The following FRY variants were observed in gnomAD, a reference collection of about 807,000 sequenced individuals.
FRY encodes protein furry homolog.
A neutral mutation model predicts 348.4 loss-of-function variants in FRY; 128 were observed. The ratio of observed to expected loss-of-function variants is 0.37; its 90% CI spans 0.32 to 0.43. FRY has a LOEUF of 0.43. FRY is among the 20% of genes least tolerant of loss of function. The pLI is 1.00. For synonymous variants in FRY, 1,370 were observed against 1,374.7 expected (o/e 1.00, Z 0.08); for missense variants, 2,736 against 3,695.2 (o/e 0.74, Z 6.73).
intron 11 of FRY, among the ~76,000 whole-genome samples, chr13:32,141,913 A>G (rs967818505): frequency 2.6e-5 from 4 of 152,220 alleles, no homozygotes; most frequent in Non-Finnish European, 2.9e-5. Flanking sequence ...TTTCTTGAAC[A>G]ATTGTATCAA....
chr13:32,059,379 C>T (rs1028377132), intron 1 of FRY, among the ~76,000 whole-genome samples: 3 of 135,656 alleles, frequency 2.2e-5, no homozygotes, highest in African/African-American at 8.3e-5. Context: ...CCACTTTTGA[C>T]AGAATTAAAA....
intron 7 of FRY, among the ~76,000 whole-genome samples, chr13:32,127,711 G>A (rs548719769): frequency 4.6e-5 from 7 of 152,002 alleles, no homozygotes; most frequent in East Asian, 1.9e-4. Flanking sequence ...CCCGGGAGGC[G>A]GAGGTTGTAG....
chr13:32,293,321 T>C (rs1279617607), intron 59 of FRY, among the ~76,000 whole-genome samples: 1 of 152,250 alleles, frequency 6.6e-6, no homozygotes, highest in Non-Finnish European at 1.5e-5. Flanking sequence ...TACTCTAATA[T>C]CTTGTTTTAA....
At chr13:32,084,656 C>T (rs913825865) in intron 2 of FRY, among the ~76,000 whole-genome samples, 1 of 152,172 alleles carries the variant, frequency 6.6e-6, no homozygotes, top group Non-Finnish European at 1.5e-5. Context: ...CATTGAATTA[C>T]AGTAATTAGT....
chr13:32,038,347 T>C (rs1403792644), intron 1 of FRY: 1 of 152,234 alleles, frequency 6.6e-6, no homozygotes, highest in African/African-American at 2.4e-5. Context: ...ACATATGTAT[T>C]ACGATTTTCC....
chr13:32,165,461 C>T (rs555363457), intron 17 of FRY, among the ~76,000 whole-genome samples: 1 of 152,198 alleles, frequency 6.6e-6, no homozygotes, highest in African/African-American at 2.4e-5. Context: ...GGGGTTCATT[C>T]TTTAATAGCC....
At chr13:32,205,743 A>T (rs926062448) in intron 31 of FRY, among the ~76,000 whole-genome samples, 1 of 152,110 alleles carries the variant, frequency 6.6e-6, no homozygotes, top group African/African-American at 2.4e-5. Flanking sequence ...GAGAAGAGGG[A>T]GTATCAAGAT....
At chr13:32,291,645 T>C (rs1889373162) in intron 59 of FRY, among the ~76,000 whole-genome samples, 1 of 152,122 alleles carries the variant, frequency 6.6e-6, no homozygotes, top group Non-Finnish European at 1.5e-5. Context: ...GTTCAGGTGA[T>C]CCACCTGCCT....
chr13:32,188,338 T>C lies in FRY; in HGVS notation c.3591+682T>C, dbSNP rs1029509169. 2.6e-5 allele frequency among the ~76,000 whole-genome samples: 4 copies of C among 152,198 alleles called. 1 individual carries two copies. The highest frequency in any genetic ancestry group is 2.6e-4 in the Admixed American group (4 of 15,278). On this transcript the variant is annotated intron_variant, in intron 28 of 60. Transcript: ENST00000542859. ...CTCTACATTATTACCTGAAGAAAATTCGTGACTTTTAGAGATTTTTTTAAG... is the reference window on the plus strand; with the variant it reads ...CTCTACATTATTACCTGAAGAAAATCCGTGACTTTTAGAGATTTTTTTAAG...
At position 32,261,774 on chromosome 13, in the gene FRY, G is replaced by A. The variant is rs1887660398; in HGVS notation, c.7575G>A (p.Glu2525=). The change falls in exon 52 of 61, where the codon GAG becomes GAA. Residue 2525 remains glutamate (E), a synonymous_variant. Transcript: ENST00000542859. ...HHEDSDESSE[E]EDLTASQILE... ...AGGACTCCGATGAATCATCCGAGGA[G>A]GAGGACCTCACAGCCAGCCAGATCC... 3.7e-6 allele frequency: 6 copies of A among 1,614,186 alleles called. No homozygotes were observed. Among genetic ancestry groups the A allele is most frequent in the Non-Finnish European group, 5.1e-6 (6 of 1,180,032 alleles).
At chr13:32,111,955 C>A (rs183546013) in intron 3 of FRY, among the ~76,000 whole-genome samples, 64 of 152,308 alleles carry the variant, frequency 4.2e-4, no homozygotes, top group Middle Eastern at 3.4e-3. Context: ...GCAGGACAGA[C>A]ATTGCTCAGT....
chr13:32,211,464 A>T (rs2138362183), intron 34 of FRY, among the ~76,000 whole-genome samples: 1 of 152,326 alleles, frequency 6.6e-6, no homozygotes, highest in Admixed American at 6.5e-5. Context: ...ATCTCAAAAA[A>T]AAGAGAATAA....
At chr13:32,136,681 T>C (rs564993910) in intron 10 of FRY, among the ~76,000 whole-genome samples, 190 bp from the exon 11 acceptor site, 1 of 152,244 alleles carries the variant, frequency 6.6e-6, no homozygotes, top group Non-Finnish European at 1.5e-5. Context: ...ATCCCCAGCA[T>C]TATCAGAAAG....
Position 32,138,401 on chromosome 13 carries a change from A to G in FRY, c.1179+1429A>G, listed in dbSNP as rs1879852941. On this transcript the variant is annotated intron_variant, in intron 11 of 60. Coordinates refer to ENST00000542859, the MANE Select transcript of FRY (RefSeq NM_023037.3). The stretch of plus-strand genomic sequence containing the variant: ...AATTAAAATAATATTTTTCATGACA[A>G]TCTATTGCTGTGGCCACAGAGACCC... Among the ~76,000 whole-genome samples the G allele has an allele frequency of 2.0e-5, 3 of 152,110 alleles. No homozygotes were observed. The South Asian group carries it at 6.2e-4, about 32-fold the overall frequency.
chr13:32,239,467 A>G lies in FRY; in HGVS notation c.6516+118A>G. The stretch of plus-strand genomic sequence containing the variant: ...ATTTTCTCAAAAACTGGAAATAATA[A>G]CTAATATCACAGTAATGGAAATATA... On this transcript the variant is annotated intron_variant, in intron 45 of 60. Transcript: ENST00000542859. This position sits in a 1 kb window ranked among gnomAD's most constrained non-coding sequence, Gnocchi z 4.3. 1 of 767,190 alleles carries G rather than the reference A, an allele frequency of 1.3e-6. No individual in the cohort carries two copies. The highest frequency in any genetic ancestry group is 1.7e-5 in the African/African-American group (1 of 58,474). The allele number at this position is 767,190 out of a possible 1,614,324, so 47.5% of individuals were successfully genotyped here. A position where few individuals can be genotyped will look rare whatever the true frequency, so the allele number is the denominator to read the frequency against.
chr13:32,149,883 C>A, intron 14 of FRY, 49 bp downstream of exon 14: 2 of 1,149,334 alleles, frequency 1.7e-6, no homozygotes, highest in Non-Finnish European at 2.6e-6. Context: ...TCTTCCGGAG[C>A]CATACCTTTG....
chr13:32,144,558 A>G (rs1880283434), intron 11 of FRY, among the ~76,000 whole-genome samples: 1 of 152,142 alleles, frequency 6.6e-6, no homozygotes, highest in Non-Finnish European at 1.5e-5. Flanking sequence ...CAGTTTAAAG[A>G]TAAACTTTAT....
chr13:32,143,598 C>A (rs1007944051), intron 11 of FRY, among the ~76,000 whole-genome samples: 3 of 152,096 alleles, frequency 2.0e-5, no homozygotes, highest in African/African-American at 4.8e-5. Context: ...TGAGATGATA[C>A]TTGCCTTCCT....
intron 1 of FRY, among the ~76,000 whole-genome samples, chr13:32,064,701 C>A (rs1272721008): frequency 1.3e-5 from 2 of 152,180 alleles, no homozygotes; most frequent in Non-Finnish European, 2.9e-5. Flanking sequence ...GCTGTTCAAC[C>A]TAGTGGCATA....
Sources: allele counts gnomAD v4.1 joint callset (sites outside exome capture counted in the v4.1 genomes callset), GRCh38; gene constraint gnomAD v4.1.1; non-coding constraint Gnocchi (gnomAD v3.1); transcripts MANE v1.5; gene names NCBI Gene and HGNC (gene_info 2026-07-23, HGNC 2026-07-21).